MICAL2: variants seen among roughly 807,000 people sequenced by gnomAD.
The protein encoded by MICAL2 is [F-actin]-monooxygenase MICAL2.
Under a neutral mutation model 127.3 loss-of-function variants are expected in MICAL2, and 77 were observed. That is an observed-to-expected ratio of 0.60 (90% CI 0.50 to 0.73). The LOEUF (loss-of-function observed/expected upper bound fraction) is 0.73. Ranked by LOEUF, MICAL2 falls within the 30% of genes least tolerant of loss-of-function variation. The pLI is 0.00. For synonymous variants in MICAL2, 570 were observed against 551.1 expected (o/e 1.03, Z -0.48); for missense variants, 1,351 against 1,434.4 (o/e 0.94, Z 0.94).
chr11:12,121,811 G>C (rs910460822), intron 1 of MICAL2, among the ~76,000 whole-genome samples: 2 of 152,154 alleles, frequency 1.3e-5, no homozygotes, highest in African/African-American at 2.4e-5. Flanking sequence ...GCTGGCACCT[G>C]TTCTCTTCCA....
chr11:12,219,555 A>T (rs893244001), intron 8 of MICAL2, among the ~76,000 whole-genome samples: 2 of 138,150 alleles, frequency 1.4e-5, no homozygotes, highest in Non-Finnish European at 3.1e-5. Flanking sequence ...AAAAAAAAAA[A>T]GCTACGCTGT....
intron 32 of MICAL2, among the ~76,000 whole-genome samples, chr11:12,348,153 CAAA>C (rs57602704): frequency 0.02 from 1,613 of 79,114 alleles, 29 homozygotes; most frequent in African/African-American, 0.066. Flanking sequence ...GACTCTGTCT[CAAA>C]AAAAAAAAAA....
chr11:12,189,367 A>C (rs1331229758), intron 3 of MICAL2, among the ~76,000 whole-genome samples: 1 of 152,170 alleles, frequency 6.6e-6, no homozygotes, highest in Non-Finnish European at 1.5e-5. Context: ...TGACATATCC[A>C]TCTGTATTTC....
In MICAL2 at chr11:12,155,453, CAT is replaced by C. The variant is rs147633012; in HGVS notation, c.-77-6622_-77-6621del. ...ACATGCATATATACACACATGCACA[CAT>C]ATACACATACATGTACACATGTATA... On this transcript the variant is annotated intron_variant, in intron 2 of 27. Coordinates refer to ENST00000683283, the MANE Select transcript of MICAL2 (RefSeq NM_001282663.2). Among the ~76,000 whole-genome samples, 126 of 152,260 alleles carry C rather than the reference CAT, an allele frequency of 8.3e-4. 1 individual carries two copies. The East Asian group carries it at 0.022, about 27-fold the overall frequency.
intron 4 of MICAL2, among the ~76,000 whole-genome samples, chr11:12,206,347 G>A (rs1048909072): frequency 6.6e-6 from 1 of 152,276 alleles, no homozygotes; most frequent in East Asian, 1.9e-4. Flanking sequence ...GCAGCGTGCC[G>A]TAATGCCGGT....
intron 32 of MICAL2, among the ~76,000 whole-genome samples, chr11:12,347,952 G>A (rs576145803): frequency 3.3e-5 from 5 of 152,048 alleles, no homozygotes; most frequent in Non-Finnish European, 4.4e-5. Context: ...CCAGGAGTTC[G>A]AGACCATCCT....
At chr11:12,171,917 A>T (rs895827940) in intron 3 of MICAL2, among the ~76,000 whole-genome samples, 1 of 152,208 alleles carries the variant, frequency 6.6e-6, no homozygotes, top group African/African-American at 2.4e-5. Context: ...TTCAACATGT[A>T]GTAAATATAA....
Position 12,314,647 on chromosome 11 carries a change from T to TTTA in MICAL2, c.5213-5047_5213-5046insATT, listed in dbSNP as rs924027430. 6.9e-5 allele frequency among the ~76,000 whole-genome samples: 10 copies of TTTA among 144,714 alleles called. No homozygotes were observed. The Middle Eastern group carries it at 0.01, about 152-fold the overall frequency. The allele number at this position is 144,714 out of a possible 152,430, so 94.9% of individuals were successfully genotyped here. The stretch of plus-strand genomic sequence containing the variant: ...GCGCCCGCCACCATGCCCAGCTAAT[T>TTTA]TTTTTTTTTTTTGTATTTTTAGTAG... On this transcript the variant is annotated intron_variant, in intron 29 of 34. Transcript: ENST00000646065.
At chr11:12,229,991 G>A (rs1858003957) in intron 15 of MICAL2, among the ~76,000 whole-genome samples, 1 of 152,190 alleles carries the variant, frequency 6.6e-6, no homozygotes, top group African/African-American at 2.4e-5. Context: ...GGCATTGTTT[G>A]TTCTCTCAGA....
exon 35 of MICAL2, chr11:12,358,452 C>T (rs745611643): frequency 4.3e-6 from 7 of 1,614,050 alleles, no homozygotes; most frequent in Non-Finnish European, 5.9e-6. Flanking sequence ...TCGTATTCTC[C>T]AGAGGCTGTC....
intron 1 of MICAL2, among the ~76,000 whole-genome samples, chr11:12,114,002 C>A (rs1294637367): frequency 6.6e-6 from 1 of 152,184 alleles, no homozygotes; most frequent in East Asian, 1.9e-4. Flanking sequence ...ATTTCCTTAG[C>A]TTTTATGCGA....
Position 12,222,674 on chromosome 11 carries a change from T to A in MICAL2, c.1380T>A (p.Phe460Leu). 1.2e-6 allele frequency: 2 copies of A among 1,614,204 alleles called. No individual in the cohort carries two copies. The highest frequency in any genetic ancestry group is 1.7e-6 in the Non-Finnish European group (2 of 1,180,038). ...QTTPENINKN[F>L]EQYTLDPGTR... ...CCCCGGAGAACATCAACAAGAACTT[T>A]GAGCAGTACACGTTGGACCCAGGGA... The change falls in exon 11 of 28, where the codon TTT becomes TTA. Residue 460 changes from phenylalanine to leucine, a missense_variant. Transcript: ENST00000683283.
At chr11:12,357,852 G>T (rs981962141) in intron 34 of MICAL2, among the ~76,000 whole-genome samples, 22 of 151,814 alleles carry the variant, frequency 1.4e-4, no homozygotes, top group East Asian at 5.8e-4. Flanking sequence ...AAAGAAAAAA[G>T]AAAAAAAAGA....
chr11:12,280,314 G>A (rs1364651434), intron 1 of MICAL2, among the ~76,000 whole-genome samples: 1 of 152,218 alleles, frequency 6.6e-6, no homozygotes, highest in African/African-American at 2.4e-5. Flanking sequence ...CAGGTGAGCA[G>A]AGCAGGCTTT....
intron 12 of MICAL2, among the ~76,000 whole-genome samples, chr11:12,223,875 G>T (rs7102154): frequency 0.016 from 2,471 of 152,258 alleles, 63 homozygotes; most frequent in African/African-American, 0.056. Flanking sequence ...TGATCATCCT[G>T]AGCCTAGCAG....
intron 29 of MICAL2, among the ~76,000 whole-genome samples, chr11:12,301,881 A>T (rs1007147216): frequency 6.6e-6 from 1 of 152,188 alleles, no homozygotes; most frequent in Non-Finnish European, 1.5e-5. Flanking sequence ...CTTGAGAAAG[A>T]CACTCCTGAG....
At chr11:12,139,533 G>A (rs1852145021) in intron 2 of MICAL2, among the ~76,000 whole-genome samples, 2 of 152,188 alleles carry the variant, frequency 1.3e-5, no homozygotes, top group South Asian at 4.1e-4. Context: ...CAGGGCATTT[G>A]GCAGCTGGCC....
chr11:12,148,342 G>A (rs1394750900), intron 2 of MICAL2, among the ~76,000 whole-genome samples: 1 of 152,076 alleles, frequency 6.6e-6, no homozygotes, highest in Non-Finnish European at 1.5e-5. Context: ...AATGCCTTTG[G>A]GAATTGAGCC....
chr11:12,222,920 C>T (rs1210641048), intron 11 of MICAL2, among the ~76,000 whole-genome samples, 177 bp downstream of exon 11: 3 of 152,158 alleles, frequency 2.0e-5, no homozygotes, highest in East Asian at 1.9e-4. Context: ...CTTTCTAGCC[C>T]GCAGGACAGA....
Sources: gnomAD v4.1 joint callset for allele counts (sites outside exome capture counted in the v4.1 genomes callset) on GRCh38, gnomAD v4.1.1 for gene constraint, MANE v1.5 for transcripts, NCBI Gene and HGNC (gene_info 2026-07-23, HGNC 2026-07-21) for gene names.